FILIP1: variants seen among roughly 807,000 people sequenced by gnomAD.
FILIP1 encodes filamin A interacting protein 1.
FILIP1 carries 61 observed loss-of-function variants against 102.1 expected under a neutral mutation model. That is an observed-to-expected ratio of 0.60 (90% CI 0.49 to 0.74). The LOEUF (loss-of-function observed/expected upper bound fraction) is 0.74. Among genes scored for constraint, FILIP1 ranks in the 30% least tolerant of loss-of-function variants. The probability of loss-of-function intolerance (pLI) is 0.00; values close to 1 mark genes in which losing one functional copy is unlikely to be tolerated. For missense variants in FILIP1, 1,314 were observed against 1,441.2 expected, an observed-to-expected ratio of 0.91 and a Z score of 1.43; for synonymous variants, 491 against 526.9, an observed-to-expected ratio of 0.93 and a Z score of 0.93.
intron 1 of FILIP1, among the ~76,000 whole-genome samples, chr6:75,443,614 G>A (rs1248076267): frequency 6.6e-6 from 1 of 152,194 alleles, no homozygotes; most frequent in Non-Finnish European, 1.5e-5. Flanking sequence ...TATTTGCCAA[G>A]CATGTTTTTA....
intron 4 of FILIP1, among the ~76,000 whole-genome samples, chr6:75,348,987 CAT>C (rs1294270983): frequency 1.3e-5 from 2 of 152,182 alleles, no homozygotes; most frequent in African/African-American, 2.4e-5. Flanking sequence ...AAAAATGAAA[CAT>C]AAACTATTTG....
At chr6:75,415,305 T>A (rs1048607269) in intron 1 of FILIP1, among the ~76,000 whole-genome samples, 5 of 152,050 alleles carry the variant, frequency 3.3e-5, no homozygotes, top group African/African-American at 1.2e-4. Flanking sequence ...CTAATGGAGA[T>A]GTCAATTATA....
Position 75,308,418 on chromosome 6 carries a change from G to A in FILIP1, c.*273C>T. On this transcript the variant is annotated 3_prime_UTR_variant, in exon 6 of 6. Transcript: ENST00000237172. Reference sequence around the variant, plus strand: ...ACTGATGAGGAAACAGGCTCAGATGGGTCTATTGATGGGTCCACTTGCTAG... The same window carrying A: ...ACTGATGAGGAAACAGGCTCAGATGAGTCTATTGATGGGTCCACTTGCTAG... 8.3e-7 allele frequency: 1 copy of A among 1,204,738 alleles called. No individual in the cohort carries two copies. The highest frequency in any genetic ancestry group is 1.8e-5 in the South Asian group (1 of 55,626). 74.6% of individuals were successfully genotyped at this position (1,204,738 alleles called of 1,614,324 possible). A position where few individuals can be genotyped will look rare whatever the true frequency, so the allele number is the denominator to read the frequency against.
At chr6:75,471,364 A>G (rs1562647185) in intron 1 of FILIP1, among the ~76,000 whole-genome samples, 1 of 152,200 alleles carries the variant, frequency 6.6e-6, no homozygotes, top group Non-Finnish European at 1.5e-5. Flanking sequence ...AAATAGACCA[A>G]TAGTATAAAC....
At chr6:75,349,182 A>T (rs1410566004) in intron 4 of FILIP1, among the ~76,000 whole-genome samples, 1 of 152,184 alleles carries the variant, frequency 6.6e-6, no homozygotes, top group African/African-American at 2.4e-5. Flanking sequence ...CAAACATCTG[A>T]ATCTGGATGG....
chr6:75,353,352 T>C (rs1321289354), intron 4 of FILIP1, among the ~76,000 whole-genome samples, 187 bp downstream of exon 4: 3 of 152,214 alleles, frequency 2.0e-5, no homozygotes, highest in Non-Finnish European at 4.4e-5. Context: ...CCCCAAAACA[T>C]TCATGTAATA....
At chr6:75,372,683 A>AAGAAAGAAAG (rs1481784110) in intron 2 of FILIP1, among the ~76,000 whole-genome samples, 1 of 48,214 alleles carries the variant, frequency 2.1e-5, no homozygotes, top group African/African-American at 1.2e-4. Context: ...GAAAGAAAGA[A>AAGAAAGAAAG]AGAGAAAGAA....
chr6:75,349,339 G>A (rs1478653085), intron 4 of FILIP1, among the ~76,000 whole-genome samples: 2 of 152,094 alleles, frequency 1.3e-5, no homozygotes, highest in Non-Finnish European at 2.9e-5. Flanking sequence ...GAGAGTCCCT[G>A]CTCTGCCCCG....
intron 1 of FILIP1, among the ~76,000 whole-genome samples, chr6:75,447,553 T>C (rs1051407233): frequency 1.3e-5 from 2 of 152,114 alleles, no homozygotes; most frequent in African/African-American, 2.4e-5. Context: ...ACTGAGATGA[T>C]TTAAAATAAT....
chr6:75,331,986 G>A (rs1774100547), intron 4 of FILIP1, among the ~76,000 whole-genome samples: 1 of 152,170 alleles, frequency 6.6e-6, no homozygotes, highest in African/African-American at 2.4e-5. Flanking sequence ...GAGGATATAA[G>A]GAAAAGACAG....
chr6:75,297,355 G>A (rs1356063837), intron 6 of FILIP1, among the ~76,000 whole-genome samples: 1 of 152,082 alleles, frequency 6.6e-6, no homozygotes, highest in East Asian at 1.9e-4. Flanking sequence ...TCTTAATTTG[G>A]TGTCGTTAAC....
chr6:75,436,405 C>T (rs1454346909), intron 1 of FILIP1, among the ~76,000 whole-genome samples: 1 of 151,820 alleles, frequency 6.6e-6, no homozygotes. Flanking sequence ...CAAAAAGCTT[C>T]CATTGTAAAA....
intron 6 of FILIP1, among the ~76,000 whole-genome samples, chr6:75,298,416 ATGT>A (rs1772744808): frequency 6.6e-6 from 1 of 152,208 alleles, no homozygotes; most frequent in South Asian, 2.1e-4. Flanking sequence ...AGCCCAAATT[ATGT>A]TGTTTTATAT....
At chr6:75,328,941 C>A (rs1025229484) in intron 4 of FILIP1, among the ~76,000 whole-genome samples, 1 of 152,182 alleles carries the variant, frequency 6.6e-6, no homozygotes, top group African/African-American at 2.4e-5. Context: ...TTCTCTTATT[C>A]CCTTCCATGT....
chr6:75,492,991 T>C (rs1332807613), intron 1 of FILIP1, among the ~76,000 whole-genome samples: 1 of 152,182 alleles, frequency 6.6e-6, no homozygotes, highest in African/African-American at 2.4e-5. Flanking sequence ...TGCGGGACTT[T>C]CCTCTCATTT....
At chr6:75,331,940 C>A (rs1278054639) in intron 4 of FILIP1, among the ~76,000 whole-genome samples, 2 of 152,130 alleles carry the variant, frequency 1.3e-5, no homozygotes, top group Non-Finnish European at 2.9e-5. Flanking sequence ...GGGATTACTA[C>A]CTTTAGAAAA....
chr6:75,360,827 A>G (rs1775151643), intron 3 of FILIP1: 1 of 152,190 alleles, frequency 6.6e-6, no homozygotes, highest in Non-Finnish European at 1.5e-5. Flanking sequence ...CAAGAGCTAG[A>G]CTACCTGCTC....
chr6:75,423,193 T>C (rs1215275684), intron 1 of FILIP1, among the ~76,000 whole-genome samples: 3 of 152,142 alleles, frequency 2.0e-5, no homozygotes, highest in South Asian at 4.1e-4. Context: ...TTCTACGTTG[T>C]ACAGCATTTG....
chr6:75,441,859 G>C (rs1438630532), intron 1 of FILIP1, among the ~76,000 whole-genome samples: 1 of 146,866 alleles, frequency 6.8e-6, no homozygotes, highest in Admixed American at 6.7e-5. Context: ...CTCCCTCCCG[G>C]ACGGGGCAGC....
Sources: allele counts gnomAD v4.1 joint callset (sites outside exome capture counted in the v4.1 genomes callset), GRCh38; gene constraint gnomAD v4.1.1; transcripts MANE v1.5; gene names NCBI Gene and HGNC (gene_info 2026-07-23, HGNC 2026-07-21).